TANC2: variants seen among roughly 807,000 people sequenced by gnomAD.
The protein encoded by TANC2 is protein TANC2.
TANC2 carries 26 observed loss-of-function variants against 210.5 expected under a neutral mutation model. The observed-to-expected ratio is 0.12, with a 90% CI of 0.09 to 0.17. TANC2 has a LOEUF of 0.17. TANC2 is among the 10% of genes least tolerant of loss of function. The pLI, the probability that TANC2 is intolerant of heterozygous loss-of-function variation, is 1.00. For synonymous variants in TANC2, 931 were observed against 967.1 expected (o/e 0.96, Z 0.69); for missense variants, 2,129 against 2,608.9 (o/e 0.82, Z 4.01).
At chr17:63,162,617 A>G (rs2040067714) in intron 5 of TANC2, among the ~76,000 whole-genome samples, 1 of 152,174 alleles carries the variant, frequency 6.6e-6, no homozygotes, top group Admixed American at 6.5e-5. Flanking sequence ...GGGGTTGACT[A>G]TGGAAAGGAG....
intron 2 of TANC2, among the ~76,000 whole-genome samples, chr17:63,056,174 TAAAAAAA>T (rs79110107): frequency 1.7e-5 from 2 of 118,858 alleles, no homozygotes; most frequent in Middle Eastern, 4.4e-3. Context: ...GACTCTGTGT[TAAAAAAA>T]AAAAAAAAAA....
At position 63,418,605 on chromosome 17, in the gene TANC2, G is replaced by A. The variant is rs946728479; in HGVS notation, c.4268+198G>A. ...AAATCTGCTGGGCTGTGGAGGCCAC[G>A]AATGTTTCACTTCGGGAGAAAAACA... On this transcript the variant is annotated intron_variant, in intron 27 of 27. Transcript: ENST00000689528. This position sits in a 1 kb window ranked among gnomAD's most constrained non-coding sequence, Gnocchi z 4.6. Among the ~76,000 whole-genome samples the A allele has an allele frequency of 6.6e-6, 1 of 152,196 alleles. No homozygotes were observed. The highest frequency in any genetic ancestry group is 1.5e-5 in the Non-Finnish European group (1 of 68,042).
chr17:63,073,523 CTTA>C (rs931551567), intron 2 of TANC2, among the ~76,000 whole-genome samples: 9 of 151,828 alleles, frequency 5.9e-5, no homozygotes, highest in Admixed American at 1.3e-4. Context: ...GAATGTAATT[CTTA>C]TTATAGTAAA....
chr17:63,266,572 A>AT (rs1454027430), intron 8 of TANC2, among the ~76,000 whole-genome samples: 2 of 152,228 alleles, frequency 1.3e-5, no homozygotes, highest in African/African-American at 4.8e-5. Flanking sequence ...TGAAGAGCTT[A>AT]TTTATAATCA....
chr17:63,362,153 C>G (rs1318856133), intron 14 of TANC2, among the ~76,000 whole-genome samples: 1 of 152,128 alleles, frequency 6.6e-6, no homozygotes, highest in Non-Finnish European at 1.5e-5. Context: ...TAGCTCCTAT[C>G]TACAGGCAGG....
intron 19 of TANC2, among the ~76,000 whole-genome samples, chr17:63,400,986 T>C (rs2048327673): frequency 6.6e-6 from 1 of 152,070 alleles, no homozygotes; most frequent in Non-Finnish European, 1.5e-5. Context: ...AAAAATTATT[T>C]TATTTCAGAA....
chr17:63,374,810 A>G (rs747914822), intron 14 of TANC2, among the ~76,000 whole-genome samples: 1 of 152,230 alleles, frequency 6.6e-6, no homozygotes, highest in Non-Finnish European at 1.5e-5. Context: ...ATTTTATATC[A>G]GAGGGAAAAT....
At chr17:63,184,128 A>G (rs1004726418) in intron 5 of TANC2, among the ~76,000 whole-genome samples, 1 of 152,220 alleles carries the variant, frequency 6.6e-6, no homozygotes, top group East Asian at 1.9e-4. Flanking sequence ...TATTTCATAT[A>G]TAATTTCCTT....
intron 12 of TANC2, among the ~76,000 whole-genome samples, chr17:63,348,387 G>T (rs1358172439): frequency 6.6e-6 from 1 of 152,162 alleles, no homozygotes; most frequent in Non-Finnish European, 1.5e-5. Context: ...TGGTGAACGT[G>T]TATTTACAAG....
At chr17:63,400,931 G>T (rs954328225) in intron 19 of TANC2, among the ~76,000 whole-genome samples, 5 of 152,124 alleles carry the variant, frequency 3.3e-5, no homozygotes, top group African/African-American at 1.2e-4. Context: ...AGGGTTACAG[G>T]TGTGAGCCAC....
chr17:62,981,006 A>C (rs2032269870), intron 1 of TANC2, among the ~76,000 whole-genome samples: 2 of 152,192 alleles, frequency 1.3e-5, no homozygotes, highest in Admixed American at 6.5e-5. Flanking sequence ...AACCAACTCC[A>C]TCTGTTTTAT....
chr17:63,286,124 T>G (rs2044213188), intron 9 of TANC2, among the ~76,000 whole-genome samples: 1 of 152,220 alleles, frequency 6.6e-6, no homozygotes, highest in Non-Finnish European at 1.5e-5. Context: ...CAGCAGTTAG[T>G]TATCTTTTAA....
chr17:63,276,841 T>C (rs918187534), intron 9 of TANC2, among the ~76,000 whole-genome samples: 1 of 152,182 alleles, frequency 6.6e-6, no homozygotes, highest in Non-Finnish European at 1.5e-5. Context: ...TTTAAACATA[T>C]TCTTATTTAA....
chr17:63,379,740 T>G lies in TANC2; in HGVS notation c.2605T>G (p.Phe869Val), dbSNP rs762386059. 8.1e-6 allele frequency: 13 copies of G among 1,612,646 alleles called. No homozygotes were observed. Among genetic ancestry groups the G allele is most frequent in the Non-Finnish European group, 8.5e-6 (10 of 1,179,206 alleles). The change falls in exon 15 of 28, where the codon TTC becomes GTC. Residue 869 changes from phenylalanine (F) to valine (V), a missense_variant. Phe to Val is a conservative substitution (Grantham distance 50). Coordinates refer to ENST00000689528, the Ensembl canonical transcript of TANC2. ...CAGGAGTGGTCACACGTTACTTGCC[T>G]TCTGGTTTTCCCGCCAAGAGGGAAA...
chr17:63,144,092 T>C (rs181377916), intron 4 of TANC2, among the ~76,000 whole-genome samples: 2 of 152,326 alleles, frequency 1.3e-5, no homozygotes, highest in East Asian at 3.9e-4. Context: ...CTTTATGGTA[T>C]ATATTCTAGT....
chr17:63,241,365 T>G (rs530368186), intron 8 of TANC2, among the ~76,000 whole-genome samples: 1 of 152,368 alleles, frequency 6.6e-6, no homozygotes, highest in East Asian at 1.9e-4. Context: ...TCAGAAGCCC[T>G]TATTCAATTA....
intron 19 of TANC2, 101 bp downstream of exon 19, chr17:63,399,015 TGTCTCAG>T: frequency 1.2e-6 from 1 of 802,904 alleles, no homozygotes. Context: ...GGCAGTCTTC[TGTCTCAG>T]GCTTTTGTAA....
intron 7 of TANC2, among the ~76,000 whole-genome samples, chr17:63,220,131 C>T (rs1208333892): frequency 1.3e-5 from 2 of 151,664 alleles, no homozygotes; most frequent in Non-Finnish European, 2.9e-5. Context: ...CTCTCCTCTA[C>T]TAAAAATACA....
intron 3 of TANC2, among the ~76,000 whole-genome samples, chr17:63,079,436 CATT>C (rs1347189780): frequency 1.3e-5 from 2 of 151,052 alleles, no homozygotes; most frequent in African/African-American, 4.8e-5. Context: ...GCTGGTTCAT[CATT>C]CTTTCCAGGA....
Sources: allele counts gnomAD v4.1 joint callset (sites outside exome capture counted in the v4.1 genomes callset), GRCh38; gene constraint gnomAD v4.1.1; non-coding constraint Gnocchi (gnomAD v3.1); transcripts MANE v1.5; gene names NCBI Gene and HGNC (gene_info 2026-07-23, HGNC 2026-07-21).